EXOC6B: variants seen among roughly 807,000 people sequenced by gnomAD.
The protein encoded by EXOC6B is SEC15 homolog B.
A neutral mutation model predicts 113.5 loss-of-function variants in EXOC6B; 54 were observed. The observed-to-expected ratio is 0.48, with a 90% CI of 0.38 to 0.60. The LOEUF is 0.60. Among genes scored for constraint, EXOC6B ranks in the 20% least tolerant of loss-of-function variants. EXOC6B has a pLI of 0.00. For synonymous variants in EXOC6B, 357 were observed against 339.0 expected, an observed-to-expected ratio of 1.05 and a Z score of -0.58; for missense variants, 797 against 977.5, an observed-to-expected ratio of 0.82 and a Z score of 2.46.
In EXOC6B at chr2:72,649,992, G is replaced by A. The variant is rs966222256; in HGVS notation, c.669+68111C>T. Among the ~76,000 whole-genome samples, 6 of 152,182 alleles carry A rather than the reference G, an allele frequency of 3.9e-5. No homozygotes were observed. In the South Asian group the frequency reaches 6.2e-4, roughly 16 times the overall value. ...CAGGGGTCCCCAACCCACAGGCCAC[G>A]GGCCAGTACCGGTCCATAGCCTGTT... is the stretch of plus-strand genomic sequence containing the variant. On this transcript the variant is annotated intron_variant, in intron 6 of 21. Transcript: ENST00000272427.
intron 20 of EXOC6B, among the ~76,000 whole-genome samples, chr2:72,327,886 A>G (rs1231973579): frequency 6.6e-6 from 1 of 152,128 alleles, no homozygotes; most frequent in Non-Finnish European, 1.5e-5. Context: ...CTAATGTCTC[A>G]AGCAAGGGAA....
chr2:72,515,798 C>T (rs1701183444), intron 8 of EXOC6B: 1 of 914,304 alleles, frequency 1.1e-6, no homozygotes, highest in Non-Finnish European at 1.3e-6. Context: ...CTTCAGAATG[C>T]AACCATATTT....
intron 20 of EXOC6B, among the ~76,000 whole-genome samples, chr2:72,237,812 A>G (rs1201816066): frequency 6.6e-6 from 1 of 152,196 alleles, no homozygotes; most frequent in Non-Finnish European, 1.5e-5. Context: ...TGGATGGAGA[A>G]GAGGCAAGAG....
chr2:72,325,371 C>A (rs1166090540), intron 20 of EXOC6B, among the ~76,000 whole-genome samples: 1 of 152,094 alleles, frequency 6.6e-6, no homozygotes, highest in Non-Finnish European at 1.5e-5. Context: ...GTACCCTACA[C>A]AAGGCTCCTT....
At chr2:72,546,899 A>G (rs1425677448) in intron 8 of EXOC6B, among the ~76,000 whole-genome samples, 1 of 152,232 alleles carries the variant, frequency 6.6e-6, no homozygotes, top group Non-Finnish European at 1.5e-5. Flanking sequence ...CTCAAATGGA[A>G]TTGGGGAAAG....
chr2:72,195,982 A>C (rs1679142585), intron 20 of EXOC6B, among the ~76,000 whole-genome samples: 2 of 152,326 alleles, frequency 1.3e-5, no homozygotes, highest in East Asian at 1.9e-4. Flanking sequence ...ATTAAACTGC[A>C]GTGGGAAGAA....
chr2:72,573,574 C>T (rs970356211), intron 7 of EXOC6B, among the ~76,000 whole-genome samples: 2 of 152,162 alleles, frequency 1.3e-5, no homozygotes, highest in African/African-American at 4.8e-5. Flanking sequence ...GTTCATTTTA[C>T]TTTAAAGTGG....
chr2:72,754,566 T>G (rs1168819782), intron 1 of EXOC6B, among the ~76,000 whole-genome samples: 1 of 151,830 alleles, frequency 6.6e-6, no homozygotes, highest in Non-Finnish European at 1.5e-5. Context: ...TCTTGCAGCA[T>G]GTATTAGTCT....
At position 72,664,404 on chromosome 2, in the gene EXOC6B, C is replaced by T. The variant is rs553515895; in HGVS notation, c.669+53699G>A. Among the ~76,000 whole-genome samples, 333 of 152,170 alleles carry T rather than the reference C, an allele frequency of 2.2e-3. 3 individuals are homozygous for T. Among genetic ancestry groups the T allele is most frequent in the Non-Finnish European group, 2.4e-3 (165 of 67,978 alleles). On this transcript the variant is annotated intron_variant, in intron 6 of 21. Coordinates refer to ENST00000272427, the MANE Select transcript of EXOC6B (RefSeq NM_015189.3). ...CAGCCTTGAATGGCTCCTAGGGAAG[C>T]GGGGAGTGACATTGAGGGTGGGATG...
At chr2:72,187,701 G>A (rs973019982) in intron 20 of EXOC6B, among the ~76,000 whole-genome samples, 1 of 152,146 alleles carries the variant, frequency 6.6e-6, no homozygotes, top group Non-Finnish European at 1.5e-5. Context: ...GGGCCTCAGA[G>A]GGGAGGAAGT....
intron 20 of EXOC6B, among the ~76,000 whole-genome samples, chr2:72,275,269 A>C (rs1180813628): frequency 6.6e-6 from 1 of 152,176 alleles, no homozygotes; most frequent in Admixed American, 6.6e-5. Flanking sequence ...TAACAATGCT[A>C]AGTTACTGCT....
intron 5 of EXOC6B, among the ~76,000 whole-genome samples, chr2:72,720,928 T>C (rs1274577328): frequency 6.7e-6 from 1 of 150,178 alleles, no homozygotes; most frequent in African/African-American, 2.4e-5. Flanking sequence ...GAAGGACAAA[T>C]AAAATTAAGA....
chr2:72,446,222 T>G (rs775793426), intron 18 of EXOC6B, among the ~76,000 whole-genome samples: 1 of 151,914 alleles, frequency 6.6e-6, no homozygotes, highest in Non-Finnish European at 1.5e-5. Context: ...GAAAAAACAT[T>G]AAATCAACCT....
At chr2:72,675,175 A>G (rs1202843329) in intron 6 of EXOC6B, among the ~76,000 whole-genome samples, 1 of 152,204 alleles carries the variant, frequency 6.6e-6, no homozygotes, top group African/African-American at 2.4e-5. Flanking sequence ...TGATCAAGGA[A>G]TATCACTAAC....
intron 11 of EXOC6B, among the ~76,000 whole-genome samples, chr2:72,511,304 TC>T (rs563837743): frequency 8.5e-5 from 13 of 152,110 alleles, no homozygotes; most frequent in African/African-American, 3.1e-4. Context: ...ACTCATCATC[TC>T]CCCGCTCCAA....
At chr2:72,810,288 G>A (rs901397453) in intron 1 of EXOC6B, among the ~76,000 whole-genome samples, 2 of 151,496 alleles carry the variant, frequency 1.3e-5, no homozygotes, top group Non-Finnish European at 2.9e-5. Context: ...GCTAAGACAC[G>A]ATGATTCTTT....
chr2:72,617,412 C>T (rs1671455697), intron 6 of EXOC6B, among the ~76,000 whole-genome samples: 1 of 152,136 alleles, frequency 6.6e-6, no homozygotes, highest in Non-Finnish European at 1.5e-5. Flanking sequence ...CAGAGGTTCT[C>T]CATGAGGGAC....
At chr2:72,735,975 G>A (rs1680929051) in intron 2 of EXOC6B, among the ~76,000 whole-genome samples, 1 of 151,882 alleles carries the variant, frequency 6.6e-6, no homozygotes, top group Admixed American at 6.6e-5. Flanking sequence ...TTTGAGACCA[G>A]GAGTTCAAGA....
intron 6 of EXOC6B, among the ~76,000 whole-genome samples, chr2:72,656,098 A>G (rs1674555041): frequency 6.6e-6 from 1 of 152,144 alleles, no homozygotes; most frequent in South Asian, 2.1e-4. Flanking sequence ...AAAAATGCCC[A>G]AAAACATTTT....
Sources: allele counts gnomAD v4.1 joint callset (sites outside exome capture counted in the v4.1 genomes callset), GRCh38; gene constraint gnomAD v4.1.1; transcripts MANE v1.5; gene names NCBI Gene and HGNC (gene_info 2026-07-23, HGNC 2026-07-21).